Variants in WDFY3 observed in about 807,000 individuals in gnomAD.
The protein encoded by WDFY3 is WD repeat and FYVE domain containing 3, also known as WD repeat and FYVE domain-containing protein 3.
WDFY3 carries 66 observed loss-of-function variants against 409.6 expected under a neutral mutation model. That is an observed-to-expected ratio of 0.16 (90% CI 0.13 to 0.20). The LOEUF is 0.20. Ranked by LOEUF, WDFY3 falls within the 10% of genes least tolerant of loss-of-function variation. The probability of loss-of-function intolerance (pLI) is 1.00; values close to 1 mark genes in which losing one functional copy is unlikely to be tolerated. For missense variants in WDFY3, 3,031 were observed against 4,298.1 expected, an observed-to-expected ratio of 0.71 and a Z score of 8.24; for synonymous variants, 1,521 against 1,537.1, an observed-to-expected ratio of 0.99 and a Z score of 0.25.
At chr4:84,902,528 T>C (rs776323398) in intron 2 of WDFY3, among the ~76,000 whole-genome samples, 28 of 152,158 alleles carry the variant, frequency 1.8e-4, no homozygotes, top group Non-Finnish European at 2.5e-4. Context: ...GAGGAAGAAC[T>C]CAGGAGTGAC....
At chr4:84,897,400 G>A (rs1765781847) in intron 2 of WDFY3, among the ~76,000 whole-genome samples, 2 of 151,984 alleles carry the variant, frequency 1.3e-5, no homozygotes, top group Admixed American at 1.3e-4. Context: ...TTTATTTTTT[G>A]AGACACAGTT....
chr4:84,714,715 C>T (rs1328804799), intron 50 of WDFY3, among the ~76,000 whole-genome samples: 4 of 151,986 alleles, frequency 2.6e-5, no homozygotes, highest in Admixed American at 6.6e-5. Context: ...CTTTGGGAGG[C>T]CGAGGTGGGC....
chr4:84,888,294 C>T (rs922077740), intron 3 of WDFY3, among the ~76,000 whole-genome samples: 9 of 152,142 alleles, frequency 5.9e-5, no homozygotes, highest in African/African-American at 2.2e-4. Flanking sequence ...AATCCCAGCA[C>T]TTTGGAAGGC....
rs1775798391 is a variant in WDFY3, at chr4:84,966,620, T to C, written c.-637A>G. On this transcript the variant is annotated 5_prime_UTR_variant, in exon 1 of 68. Transcript: ENST00000295888. ...CGGAAAGTGAGGGGTTGTTGCCGTT[T>C]CCCGCAGCTGTTGGTGGCCATCTTT... 6.6e-6 allele frequency among the ~76,000 whole-genome samples: 1 copy of C among 152,004 alleles called. No individual in the cohort carries two copies. Among genetic ancestry groups the C allele is most frequent in the African/African-American group, 2.4e-5 (1 of 41,414 alleles).
At chr4:84,935,835 CA>C (rs1462582866) in intron 1 of WDFY3, among the ~76,000 whole-genome samples, 1 of 152,024 alleles carries the variant, frequency 6.6e-6, no homozygotes, top group African/African-American at 2.4e-5. Context: ...TAAACTCAGC[CA>C]AGAACAAATG....
intron 26 of WDFY3, among the ~76,000 whole-genome samples, chr4:84,779,610 A>G (rs528516533): frequency 4.0e-4 from 61 of 152,242 alleles, no homozygotes; most frequent in African/African-American, 1.1e-3. Context: ...AGGAATAGCA[A>G]TGGTACACTT....
intron 19 of WDFY3, among the ~76,000 whole-genome samples, 199 bp downstream of exon 19, chr4:84,796,322 T>C (rs1047006622): frequency 6.6e-6 from 1 of 151,992 alleles, no homozygotes; most frequent in Non-Finnish European, 1.5e-5. Context: ...CTATGTCATA[T>C]CAATTTATTT....
At chr4:84,851,494 G>A (rs771873967) in intron 4 of WDFY3, among the ~76,000 whole-genome samples, 1 of 152,152 alleles carries the variant, frequency 6.6e-6, no homozygotes, top group Non-Finnish European at 1.5e-5. Flanking sequence ...AGGGAGCACT[G>A]AAGGAGAACA....
chr4:84,923,429 A>G lies in WDFY3; in HGVS notation c.-132+8841T>C, dbSNP rs149519917. Among the ~76,000 whole-genome samples the G allele has an allele frequency of 2.8e-4, 43 of 152,222 alleles. No individual in the cohort carries two copies. The East Asian group carries it at 7.7e-3, about 27-fold the overall frequency. ...TTTGCAAGTTACTGCTTTTTGTCCA[A>G]TTCAGTATATAAGTGTTTGTCTCTC... On this transcript the variant is annotated intron_variant, in intron 2 of 67. Transcript: ENST00000295888.
chr4:84,700,479 C>G (rs191359031), intron 56 of WDFY3, among the ~76,000 whole-genome samples: 1 of 152,200 alleles, frequency 6.6e-6, no homozygotes, highest in Non-Finnish European at 1.5e-5. Flanking sequence ...GCTGGGATTA[C>G]AGGTGTGAGC....
chr4:84,772,568 A>C (rs779202659), intron 30 of WDFY3, among the ~76,000 whole-genome samples: 2 of 152,224 alleles, frequency 1.3e-5, no homozygotes, highest in Non-Finnish European at 2.9e-5. Context: ...TTTGCTATTT[A>C]AAGAAACATT....
intron 2 of WDFY3, among the ~76,000 whole-genome samples, chr4:84,901,418 T>A (rs1766327209): frequency 6.6e-6 from 1 of 152,112 alleles, no homozygotes; most frequent in South Asian, 2.1e-4. Context: ...GCATGTGATG[T>A]CCCCTACCAC....
At chr4:84,939,258 A>C (rs1376902020) in intron 1 of WDFY3, among the ~76,000 whole-genome samples, 1 of 152,162 alleles carries the variant, frequency 6.6e-6, no homozygotes, top group African/African-American at 2.4e-5. Context: ...CAGGTTATGC[A>C]GTCTTGGCCA....
At chr4:84,809,593 AAAC>A (rs1416735631) in intron 14 of WDFY3, 1 of 264,502 alleles carries the variant, frequency 3.8e-6, no homozygotes, top group Non-Finnish European at 7.1e-6. Flanking sequence ...AAAAGAAAAA[AAAC>A]AACAGTAAAC....
intron 4 of WDFY3, among the ~76,000 whole-genome samples, chr4:84,851,194 G>T (rs559412582): frequency 1.1e-4 from 17 of 151,376 alleles, no homozygotes; most frequent in Non-Finnish European, 1.5e-4. Flanking sequence ...ATTTTAATGG[G>T]TATATAACTA....
chr4:84,885,594 A>G (rs1561002507), intron 3 of WDFY3, among the ~76,000 whole-genome samples: 1 of 152,164 alleles, frequency 6.6e-6, no homozygotes, highest in Non-Finnish European at 1.5e-5. Flanking sequence ...AAAATACAGC[A>G]ATCCCACTGG....
At chr4:84,718,925 A>G (rs1378944429) in intron 47 of WDFY3, among the ~76,000 whole-genome samples, 1 of 152,202 alleles carries the variant, frequency 6.6e-6, no homozygotes, top group Non-Finnish European at 1.5e-5. Flanking sequence ...TGAGGCATAC[A>G]TGTAAGGAGA....
At chr4:84,884,557 C>G (rs1763935585) in intron 3 of WDFY3, among the ~76,000 whole-genome samples, 1 of 152,054 alleles carries the variant, frequency 6.6e-6, no homozygotes, top group African/African-American at 2.4e-5. Context: ...ATTAACAATA[C>G]ATATATCTCA....
At chr4:84,718,292 G>T in intron 48 of WDFY3, 130 bp downstream of exon 48, 2 of 857,706 alleles carry the variant, frequency 2.3e-6, no homozygotes, top group Non-Finnish European at 3.4e-6. Context: ...AATATGTAAT[G>T]ATGAATGCAC....
Sources: gnomAD v4.1 joint callset for allele counts (sites outside exome capture counted in the v4.1 genomes callset) on GRCh38, gnomAD v4.1.1 for gene constraint, MANE v1.5 for transcripts, NCBI Gene and HGNC (gene_info 2026-07-23, HGNC 2026-07-21) for gene names.